MIGA2: variants seen among roughly 807,000 people sequenced by gnomAD.
MIGA2 encodes the protein mitoguardin 2.
In MIGA2, 36 loss-of-function variants were observed where a neutral mutation model predicts 69.9. The observed-to-expected ratio is 0.52, with a 90% confidence interval of 0.39 to 0.68. The LOEUF (loss-of-function observed/expected upper bound fraction) is 0.68. Among genes scored for constraint, MIGA2 ranks in the 30% least tolerant of loss-of-function variants. MIGA2 has a pLI of 0.00. For synonymous variants in MIGA2, 333 were observed against 349.2 expected, an observed-to-expected ratio of 0.95 and a Z score of 0.52; for missense variants, 660 against 787.7, an observed-to-expected ratio of 0.84 and a Z score of 1.94.
chr9:129,049,712 G>A (rs371636689), intron 5 of MIGA2, 115 bp from the exon 6 acceptor site: 372 of 1,527,332 alleles, frequency 2.4e-4, no homozygotes, highest in African/African-American at 6.1e-4. Flanking sequence ...CAGGCCACAC[G>A]GTCCCACCCA....
intron 11 of MIGA2, among the ~76,000 whole-genome samples, chr9:129,066,813 T>A (rs1012147871): frequency 1.2e-4 from 18 of 150,266 alleles, no homozygotes; most frequent in African/African-American, 3.7e-4. Context: ...CAAAAAAAAT[T>A]AGCCGGGCGT....
intron 6 of MIGA2, among the ~76,000 whole-genome samples, chr9:129,050,411 ATT>A (rs1490018421): frequency 4.0e-5 from 6 of 151,690 alleles, no homozygotes; most frequent in Non-Finnish European, 5.9e-5. Flanking sequence ...CGTAGCTGGG[ATT>A]ATAGGCGCCC....
intron 11 of MIGA2, among the ~76,000 whole-genome samples, chr9:129,066,010 C>T (rs1019830431): frequency 2.0e-5 from 3 of 152,208 alleles, no homozygotes; most frequent in Non-Finnish European, 2.9e-5. Flanking sequence ...TAGCACAGGG[C>T]GGGTACTGCA....
Position 129,068,938 on chromosome 9 carries a change from G to A in MIGA2, c.1405-138G>A, listed in dbSNP as rs1846515702. The A allele has an allele frequency of 1.1e-6, 1 of 912,284 alleles. No individual in the cohort carries two copies. Among genetic ancestry groups the A allele is most frequent in the Admixed American group, 1.8e-5 (1 of 54,772 alleles). The allele number at this position is 912,284 out of a possible 1,614,324, so 56.5% of individuals were successfully genotyped here. ...CAAAATCAGAGGAGGAAGCAGCAGA[G>A]CTTAGGCACCTGGCCCCATCTTCCT... On this transcript the variant is annotated intron_variant, in intron 13 of 15. Coordinates refer to ENST00000684074, the MANE Select transcript of MIGA2 (RefSeq NM_001329990.2). The surrounding 1 kb of genome is among the most constrained non-coding windows in gnomAD (Gnocchi z 4.1).
chr9:129,069,698 C>A lies in MIGA2; in HGVS notation c.1459-151C>A, dbSNP rs749420377. ...TGTCTGCAGAAGTTAAAATGGGCTT[C>A]GAAAGCTTGAGTCACTGCCCAGGGT... is the stretch of plus-strand genomic sequence containing the variant. On this transcript the variant is annotated intron_variant, in intron 14 of 15. Coordinates refer to ENST00000684074, the MANE Select transcript of MIGA2 (RefSeq NM_001329990.2). The surrounding 1 kb of genome is among the most constrained non-coding windows in gnomAD (Gnocchi z 4.9). 4.3e-6 allele frequency: 3 copies of A among 689,888 alleles called. No individual in the cohort carries two copies. The highest frequency in any genetic ancestry group is 3.5e-5 in the African/African-American group (2 of 56,640). 42.7% of individuals were successfully genotyped at this position (689,888 alleles called of 1,614,324 possible). A position where few individuals can be genotyped will look rare whatever the true frequency, so the allele number is the denominator to read the frequency against.
At chr9:129,049,027 C>T (rs1456795792) in intron 4 of MIGA2, among the ~76,000 whole-genome samples, 1 of 152,140 alleles carries the variant, frequency 6.6e-6, no homozygotes, top group Non-Finnish European at 1.5e-5. Context: ...AGGCAGGACC[C>T]TGGCACAGAA....
chr9:129,067,733 C>T (rs1402301321), intron 11 of MIGA2, 40 bp from the exon 12 acceptor site: 1 of 1,567,220 alleles, frequency 6.4e-7, no homozygotes, highest in East Asian at 2.3e-5. Context: ...CCCTGTGGGT[C>T]TTGTCCAGTG....
intron 3 of MIGA2, among the ~76,000 whole-genome samples, chr9:129,043,319 T>C (rs755933185): frequency 2.0e-5 from 3 of 151,968 alleles, no homozygotes; most frequent in Non-Finnish European, 4.4e-5. Context: ...ATTCAGCTGG[T>C]TGGAAGGTAG....
rs1846535386 is a variant in MIGA2 at position 129,069,247 on chromosome 9, GC to G, written c.1458+123del. On this transcript the variant is annotated intron_variant, in intron 14 of 15. Coordinates refer to ENST00000684074, the MANE Select transcript of MIGA2 (RefSeq NM_001329990.2). The surrounding 1 kb of genome is among the most constrained non-coding windows in gnomAD (Gnocchi z 4.9). ...TTGGCCTTCACCGCTCACAGTCCTG[GC>G]CCCCTTGTTCCGCCGTTACCTCTCC... The G allele has an allele frequency of 2.3e-6, 3 of 1,312,864 alleles. No individual in the cohort carries two copies. Among genetic ancestry groups the G allele is most frequent in the Non-Finnish European group, 3.3e-6 (3 of 920,814 alleles). The allele number at this position is 1,312,864 out of a possible 1,614,324, so 81.3% of individuals were successfully genotyped here.
chr9:129,049,798 C>T, intron 5 of MIGA2, 29 bp from the exon 6 acceptor site: 6 of 1,613,398 alleles, frequency 3.7e-6, no homozygotes, highest in Non-Finnish European at 5.1e-6. Flanking sequence ...GAGGTGCTGA[C>T]CCACGCTTTT....
rs1325668547 is a variant in MIGA2 at position 129,069,048 on chromosome 9, C to T, written c.1405-28C>T. On this transcript the variant is annotated intron_variant, in intron 13 of 15. Transcript: ENST00000684074. The surrounding 1 kb of genome is among the most constrained non-coding windows in gnomAD (Gnocchi z 4.9). ...GCTGTGGGCTAGGCCCATTTTGACACCCGGGGGACATCCTATTTTTGATGT... is the reference window on the plus strand; with the variant it reads ...GCTGTGGGCTAGGCCCATTTTGACATCCGGGGGACATCCTATTTTTGATGT... The T allele has an allele frequency of 5.0e-6, 8 of 1,613,694 alleles. No individual in the cohort carries two copies. The South Asian group carries it at 7.7e-5, about 16-fold the overall frequency.
At chr9:129,070,215 G>C (rs1437338341) in intron 15 of MIGA2, 32 bp from the exon 16 acceptor site, 2 of 1,600,932 alleles carry the variant, frequency 1.2e-6, no homozygotes, top group African/African-American at 2.7e-5. Flanking sequence ...GCAGTGGCTG[G>C]GCCAGGCCTG....
At position 129,059,212 on chromosome 9, in the gene MIGA2, A is replaced by G. The variant is rs776093250; in HGVS notation, c.734A>G (p.Tyr245Cys). 3 of 1,610,708 alleles carry G rather than the reference A, an allele frequency of 1.9e-6. No individual in the cohort carries two copies. In the Admixed American group the frequency reaches 5.0e-5, roughly 27 times the overall value. Residue 245 changes from tyrosine (Y) to cysteine (C), a missense_variant, in exon 7 of 16, where the codon TAC becomes TGC. Physicochemically the swap from Tyr to Cys is radical, Grantham distance 194. Around this residue, in one of 3 missense-constraint regions of MIGA2, gnomAD observed 386 missense variants for 402.0 expected, o/e 0.96. Transcript: ENST00000684074. The surrounding 1 kb of genome is among the most constrained non-coding windows in gnomAD (Gnocchi z 5.6). The stretch of plus-strand genomic sequence containing the variant: ...CTGGAGTCCCTGCTGCACCGTGCCT[A>G]CCACCTGCAGGAGGAGTTCGGCTCC... The part of the protein sequence containing the change: ...EKLESLLHRA[Y>C]HLQEEFGSTF...
Position 129,060,657 on chromosome 9 carries a change from CGGGGTGGGGACCAAGCCT to C in MIGA2, c.894+17_894+34del, listed in dbSNP as rs768101986. On this transcript the variant is annotated splice_region_variant and intron_variant, in intron 8 of 15. Coordinates refer to ENST00000684074, the MANE Select transcript of MIGA2 (RefSeq NM_001329990.2). The surrounding 1 kb of genome is among the most constrained non-coding windows in gnomAD (Gnocchi z 4.8). ...CTTCTTCTCCGCCACCGAGGTGACT[CGGGGTGGGGACCAAGCCT>C]GGGGTGGGGTGAAGGCTGGGCCTCC... 13 of 1,574,184 alleles carry C rather than the reference CGGGGTGGGGACCAAGCCT, an allele frequency of 8.3e-6. No individual in the cohort carries two copies. In the Admixed American group the frequency reaches 1.1e-4, roughly 13 times the overall value.
chr9:129,064,548 G>A (rs1846240900), intron 11 of MIGA2, among the ~76,000 whole-genome samples: 1 of 144,826 alleles, frequency 6.9e-6, no homozygotes, highest in Admixed American at 7.1e-5. Flanking sequence ...CAAAGCTTTT[G>A]AACAGGTCGG....
In MIGA2 at chr9:129,063,342, G is replaced by T. The variant is rs764491340; in HGVS notation, c.1083+26G>T. On this transcript the variant is annotated intron_variant, in intron 10 of 15. Coordinates refer to ENST00000684074, the MANE Select transcript of MIGA2 (RefSeq NM_001329990.2). ...GTGGGTGTGGCCTGGGGGTTCCTCG[G>T]GGGTGGGAGGCAAGGGGTAGTCAGG... is the stretch of plus-strand genomic sequence containing the variant. 1.2e-5 allele frequency: 19 copies of T among 1,613,568 alleles called. No homozygotes were observed. The East Asian group carries it at 4.2e-4, about 36-fold the overall frequency.
intron 3 of MIGA2, among the ~76,000 whole-genome samples, chr9:129,043,818 A>C (rs1284076434): frequency 4.0e-5 from 6 of 151,498 alleles, no homozygotes; most frequent in South Asian, 2.1e-4. Context: ...CTTCTGCCTC[A>C]GCCTCCGGAG....
intron 2 of MIGA2, 114 bp downstream of exon 2, chr9:129,040,804 G>T (rs1398025081): frequency 1.1e-6 from 1 of 881,388 alleles, no homozygotes; most frequent in Non-Finnish European, 1.7e-6. Flanking sequence ...CAAACCTCTG[G>T]TGTCTCCTCT....
intron 2 of MIGA2, among the ~76,000 whole-genome samples, chr9:129,041,736 C>T (rs1341044487): frequency 6.6e-6 from 1 of 152,196 alleles, no homozygotes; most frequent in South Asian, 2.1e-4. Context: ...GACCGAAGAT[C>T]TGCCTTGTGG....
Sources: allele counts gnomAD v4.1 joint callset (sites outside exome capture counted in the v4.1 genomes callset), GRCh38; gene constraint gnomAD v4.1.1; regional missense constraint gnomAD v4.1.1; non-coding constraint Gnocchi (gnomAD v3.1); transcripts MANE v1.5; gene names NCBI Gene and HGNC (gene_info 2026-07-23, HGNC 2026-07-21).